PUDP: variants seen among roughly 807,000 people sequenced by gnomAD.
PUDP encodes the protein pseudouridine-5'-phosphatase.
A neutral mutation model predicts 9.4 loss-of-function variants in PUDP; 8 were observed. That is an observed-to-expected ratio of 0.85 (90% confidence interval 0.50 to 1.53). The LOEUF is 1.53. Among genes scored for constraint, PUDP ranks in the 40% most tolerant of loss-of-function variants. PUDP has a pLI of 0.00. For synonymous variants in PUDP, 99 were observed against 80.7 expected, an observed-to-expected ratio of 1.23 and a Z score of -1.22; for missense variants, 188 against 189.7, an observed-to-expected ratio of 0.99 and a Z score of 0.05.
At chrX:6,781,352 G>T (rs1348734782) in intron 3 of PUDP, among the ~76,000 whole-genome samples, 1 of 111,466 alleles carries the variant, frequency 9.0e-6, no homozygotes, top group African/African-American at 3.3e-5. Context: ...CACCCATTAC[G>T]GCACTCTTTT....
At chrX:6,928,912 A>C (rs1374813234) in intron 3 of PUDP, among the ~76,000 whole-genome samples, 1 of 111,721 alleles carries the variant, frequency 9.0e-6, no homozygotes, top group East Asian at 2.8e-4. Context: ...AGAAACAAAC[A>C]AACAAAACCC....
chrX:7,124,377 G>GC (rs1932423853), intron 1 of PUDP, among the ~76,000 whole-genome samples: 1 of 111,857 alleles, frequency 8.9e-6, no homozygotes, highest in African/African-American at 3.2e-5. Context: ...ATGGGATGCA[G>GC]CAAAAGCACT....
intron 3 of PUDP, among the ~76,000 whole-genome samples, chrX:6,868,466 C>T (rs899487495): frequency 2.7e-5 from 3 of 111,876 alleles, no homozygotes; most frequent in African/African-American, 9.7e-5. Flanking sequence ...AGCTGGTTCT[C>T]CTATAATCTC....
intron 3 of PUDP, among the ~76,000 whole-genome samples, chrX:6,732,814 T>A (rs1235477775): frequency 8.9e-6 from 1 of 112,159 alleles, no homozygotes; most frequent in Admixed American, 9.5e-5. Context: ...TTAATTTTCA[T>A]ATATTTTTTA....
At chrX:6,940,840 GTC>G (rs1455721249) in intron 3 of PUDP, among the ~76,000 whole-genome samples, 1 of 111,907 alleles carries the variant, frequency 8.9e-6, no homozygotes, top group Non-Finnish European at 1.9e-5. Context: ...TACAAAGTGT[GTC>G]TTTTAGAAAC....
intron 3 of PUDP, among the ~76,000 whole-genome samples, chrX:6,919,155 G>C (rs766249481): frequency 9.0e-6 from 1 of 111,660 alleles, no homozygotes; most frequent in Non-Finnish European, 1.9e-5. Flanking sequence ...GTGGAATTCA[G>C]ACCTTCTCCC....
intron 1 of PUDP, among the ~76,000 whole-genome samples, chrX:7,110,205 T>C (rs1932003365): frequency 1.8e-5 from 2 of 112,480 alleles, no homozygotes; most frequent in African/African-American, 6.5e-5. Flanking sequence ...TCAACTGTTA[T>C]GGAAGCCCTG....
At chrX:6,975,400 G>T (rs894440224) in intron 3 of PUDP, among the ~76,000 whole-genome samples, 6 of 110,962 alleles carry the variant, frequency 5.4e-5, no homozygotes, top group African/African-American at 2.0e-4. Context: ...TTTTTGTGTG[G>T]ACATCCTTTT....
chrX:7,140,566 TA>T (rs58882412), intron 1 of PUDP, among the ~76,000 whole-genome samples: 7 of 109,553 alleles, frequency 6.4e-5, no homozygotes, highest in Admixed American at 4.9e-4. Context: ...TATAGCAGTT[TA>T]AAAAAAAAGA....
intron 3 of PUDP, among the ~76,000 whole-genome samples, chrX:6,726,881 T>C (rs1159643179): frequency 3.6e-5 from 4 of 111,691 alleles, no homozygotes; most frequent in African/African-American, 1.3e-4. Flanking sequence ...TCAATTTCAA[T>C]TTTTTTACAA....
At chrX:6,939,865 A>G (rs1286258816) in intron 3 of PUDP, among the ~76,000 whole-genome samples, 1 of 111,277 alleles carries the variant, frequency 9.0e-6, no homozygotes, top group Non-Finnish European at 1.9e-5. Flanking sequence ...AAAGAAAAGA[A>G]AAGAAAAAGA....
chrX:6,759,771 AT>A (rs1925208321), intron 3 of PUDP, among the ~76,000 whole-genome samples: 4 of 111,984 alleles, frequency 3.6e-5, no homozygotes, highest in Non-Finnish European at 7.5e-5. Context: ...AATATGCAAC[AT>A]ACTCTCATGA....
At chrX:6,931,714 T>C (rs1196777689) in intron 3 of PUDP, among the ~76,000 whole-genome samples, 1 of 111,683 alleles carries the variant, frequency 9.0e-6, no homozygotes, top group Non-Finnish European at 1.9e-5. Flanking sequence ...AAGGATTCCA[T>C]GAACCCTTGC....
At chrX:6,848,348 C>T (rs1167134615) in intron 3 of PUDP, among the ~76,000 whole-genome samples, 2 of 111,744 alleles carry the variant, frequency 1.8e-5, no homozygotes, top group Non-Finnish European at 3.8e-5. Flanking sequence ...AGTTATCCAC[C>T]ATCAGGCAAC....
At chrX:6,906,716 G>A (rs779478103) in intron 3 of PUDP, among the ~76,000 whole-genome samples, 1 of 111,767 alleles carries the variant, frequency 8.9e-6, no homozygotes, top group South Asian at 3.8e-4. Context: ...AATTTCAGCT[G>A]GGGGGAAAAG....
intron 3 of PUDP, among the ~76,000 whole-genome samples, chrX:6,746,535 G>A (rs144352433): frequency 0.028 from 3,113 of 110,983 alleles, 58 homozygotes; most frequent in Admixed American, 0.084. Context: ...CCCAGCATGC[G>A]TTAGCTATGT....
intron 1 of PUDP, among the ~76,000 whole-genome samples, chrX:6,982,061 C>CACAT: frequency 9.4e-6 from 1 of 106,604 alleles, no homozygotes; most frequent in African/African-American, 3.4e-5. Flanking sequence ...CATACACACA[C>CACAT]GCACATACCC....
At chrX:6,754,784 C>T (rs372936985) in intron 3 of PUDP, among the ~76,000 whole-genome samples, 3 of 110,808 alleles carry the variant, frequency 2.7e-5, no homozygotes, top group East Asian at 2.8e-4. Flanking sequence ...CTTCTAACTG[C>T]AGCATCAATG....
intron 2 of PUDP, among the ~76,000 whole-genome samples, chrX:7,095,638 T>A (rs1202328377): frequency 5.3e-5 from 6 of 112,311 alleles, no homozygotes; most frequent in Non-Finnish European, 1.1e-4. Context: ...ACACAGTTTG[T>A]GCCATGTACA....
Sources: allele counts gnomAD v4.1 joint callset (sites outside exome capture counted in the v4.1 genomes callset), GRCh38; gene constraint gnomAD v4.1.1; transcripts MANE v1.5; gene names NCBI Gene and HGNC (gene_info 2026-07-23, HGNC 2026-07-21).